G3BP1: variants seen among roughly 807,000 people sequenced by gnomAD.
The protein encoded by G3BP1 is G3BP stress granule assembly factor 1.
G3BP1 carries 35 observed loss-of-function variants against 58.6 expected under a neutral mutation model. The observed-to-expected ratio is 0.60, with a 90% CI of 0.46 to 0.79. G3BP1 has a LOEUF of 0.79. G3BP1 is among the 30% of genes least tolerant of loss of function. The pLI is 0.00. For missense variants in G3BP1, 523 were observed against 580.8 expected (o/e 0.90, Z 1.02); for synonymous variants, 191 against 195.4 (o/e 0.98, Z 0.19).
At chr5:151,785,637 T>C (rs561162229) in intron 1 of G3BP1, among the ~76,000 whole-genome samples, 1 of 152,238 alleles carries the variant, frequency 6.6e-6, no homozygotes, top group Non-Finnish European at 1.5e-5. Context: ...GGACTTCTTA[T>C]GGGACAGGTG....
rs906375114 is a variant in G3BP1 at position 151,808,376 on chromosome 5, A to G, written c.*4285A>G. ...TTTCATGTCTCAAATCAAGGCCTAA[A>G]TGAGTAAAAAGATGATTACAGATTA... On this transcript the variant is annotated 3_prime_UTR_variant, in exon 12 of 12. Coordinates refer to ENST00000356245, the MANE Select transcript of G3BP1 (RefSeq NM_005754.3). 6.6e-6 allele frequency: 1 copy of G among 152,192 alleles called. No individual in the cohort carries two copies. Among genetic ancestry groups the G allele is most frequent in the African/African-American group, 2.4e-5 (1 of 41,436 alleles). 9.4% of individuals were successfully genotyped at this position (152,192 alleles called of 1,614,324 possible).
chr5:151,773,271 T>A (rs1762307294), intron 1 of G3BP1, among the ~76,000 whole-genome samples: 1 of 152,186 alleles, frequency 6.6e-6, no homozygotes, highest in East Asian at 1.9e-4. Flanking sequence ...AAGATCTCAC[T>A]AGCATCTGTG....
chr5:151,772,838 G>A (rs1009488378), intron 1 of G3BP1, among the ~76,000 whole-genome samples: 1 of 152,216 alleles, frequency 6.6e-6, no homozygotes, highest in African/African-American at 2.4e-5. Flanking sequence ...CTTGTCCCTC[G>A]GGGCAGCATC....
intron 11 of G3BP1, 77 bp from the exon 12 acceptor site, chr5:151,803,808 A>T: frequency 9.9e-7 from 1 of 1,008,988 alleles, no homozygotes; most frequent in Non-Finnish European, 1.5e-6. Context: ...CTGGTTCATT[A>T]TTACAGCTTT....
At position 151,795,490 on chromosome 5, in the gene G3BP1, G is replaced by A; in HGVS notation, c.454G>A (p.Glu152Lys). 1 of 1,567,230 alleles carries A rather than the reference G, an allele frequency of 6.4e-7. No individual in the cohort carries two copies. Among genetic ancestry groups the A allele is most frequent in the Non-Finnish European group, 8.8e-7 (1 of 1,138,994 alleles). Residue 152 changes from glutamate (E) to lysine (K), a missense_variant, in exon 6 of 12, where the codon GAA (glutamate) becomes AAA (lysine). This residue lies in a region of G3BP1 where 398 missense variants were observed against 399.1 expected (regional missense o/e 1.00). Coordinates refer to ENST00000356245, the MANE Select transcript of G3BP1 (RefSeq NM_005754.3). ...VTEPQEESEE[E>K]VEEPEERQQT... ...TTTTTCTCACTTAGAGTCTGAAGAA[G>A]AAGTAGAGGAACCTGAAGAAAGACA... is the stretch of plus-strand genomic sequence containing the variant.
chr5:151,793,197 C>T lies in G3BP1; in HGVS notation c.352-962C>T, dbSNP rs150383161. Among the ~76,000 whole-genome samples the T allele has an allele frequency of 7.8e-4, 119 of 152,270 alleles. 1 individual carries two copies. In the East Asian group the frequency reaches 0.02, roughly 25 times the overall value. ...AGTCTGGGCTTACTGCACCCTCCAC[C>T]TCCCGGGTTCAAGCAATCCTCCCGC... is the stretch of plus-strand genomic sequence containing the variant. On this transcript the variant is annotated intron_variant, in intron 4 of 11. Transcript: ENST00000356245.
At chr5:151,784,007 C>T (rs559356901) in intron 1 of G3BP1, among the ~76,000 whole-genome samples, 5 of 152,284 alleles carry the variant, frequency 3.3e-5, no homozygotes, top group South Asian at 2.1e-4. Context: ...GTGATCCGCT[C>T]GCCTCGGCCT....
chr5:151,801,111 T>C (rs1205093236), intron 11 of G3BP1, among the ~76,000 whole-genome samples: 1 of 152,174 alleles, frequency 6.6e-6, no homozygotes, highest in Non-Finnish European at 1.5e-5. Flanking sequence ...AAATGAATAG[T>C]TATCAGTGCA....
intron 2 of G3BP1, among the ~76,000 whole-genome samples, chr5:151,789,561 T>C (rs1310943922): frequency 6.6e-6 from 1 of 152,148 alleles, no homozygotes; most frequent in Non-Finnish European, 1.5e-5. Context: ...GCAGAAATAG[T>C]TAAAAAGTAC....
chr5:151,809,711 G>A lies in G3BP1; in HGVS notation c.*5620G>A, dbSNP rs1762988692. On this transcript the variant is annotated 3_prime_UTR_variant, in exon 12 of 12. Transcript: ENST00000356245. Reference sequence around the variant, plus strand: ...CCAAATCTGCTTTTAGAAGTAATATGGTGATCATCAGTTTAGATTCACTGT... The same window carrying A: ...CCAAATCTGCTTTTAGAAGTAATATAGTGATCATCAGTTTAGATTCACTGT... The A allele has an allele frequency of 6.6e-6, 1 of 152,092 alleles. No individual in the cohort carries two copies. Among genetic ancestry groups the A allele is most frequent in the Non-Finnish European group, 1.5e-5 (1 of 68,012 alleles). 9.4% of individuals were successfully genotyped at this position (152,092 alleles called of 1,614,324 possible). A position where few individuals can be genotyped will look rare whatever the true frequency, so the allele number is the denominator to read the frequency against.
chr5:151,800,934 AT>A, intron 11 of G3BP1, 65 bp downstream of exon 11: 1 of 763,168 alleles, frequency 1.3e-6, no homozygotes, highest in Non-Finnish European at 2.3e-6. Context: ...TCTTTAGAAT[AT>A]ATCTTTACAG....
In G3BP1 at chr5:151,799,890, C is replaced by G; in HGVS notation, c.845C>G (p.Pro282Arg). 2 of 1,592,114 alleles carry G rather than the reference C, an allele frequency of 1.3e-6. No homozygotes were observed. The highest frequency in any genetic ancestry group is 1.7e-6 in the Non-Finnish European group (2 of 1,162,828). Residue 282 changes from proline to arginine, a missense_variant and splice_region_variant, in exon 9 of 12, where the codon CCC (proline) becomes CGC (arginine). Coordinates refer to ENST00000356245, the MANE Select transcript of G3BP1 (RefSeq NM_005754.3). ...PHVVKVPASQPRPESKPESQI... is the reference protein window; with the variant it reads ...PHVVKVPASQRRPESKPESQI... ...AAAAGTTAACTTAAAATTTTTCAGC[C>G]CCGTCCAGAGTCTAAGCCTGAATCT...
chr5:151,774,515 AT>A (rs1449405890), intron 1 of G3BP1, among the ~76,000 whole-genome samples: 1 of 151,618 alleles, frequency 6.6e-6, no homozygotes, highest in East Asian at 1.9e-4. Flanking sequence ...AGCCAATTTT[AT>A]ATTTTTTTTC....
At position 151,811,103 on chromosome 5, in the gene G3BP1, C is replaced by T. The variant is rs960217277; in HGVS notation, c.*7012C>T. 1 of 152,208 alleles carries T rather than the reference C, an allele frequency of 6.6e-6. No homozygotes were observed. The highest frequency in any genetic ancestry group is 2.1e-4 in the South Asian group (1 of 4,836). 9.4% of individuals were successfully genotyped at this position (152,208 alleles called of 1,614,324 possible). ...TTCAGCTAAGTCCTGTCAGTTCTACCTCAAGTCTTTCCCGTCTTTCTTCCT... is the reference window on the plus strand; with the variant it reads ...TTCAGCTAAGTCCTGTCAGTTCTACTTCAAGTCTTTCCCGTCTTTCTTCCT... On this transcript the variant is annotated 3_prime_UTR_variant, in exon 12 of 12. Coordinates refer to ENST00000356245, the MANE Select transcript of G3BP1 (RefSeq NM_005754.3).
chr5:151,802,843 G>T (rs1268467435), intron 11 of G3BP1, among the ~76,000 whole-genome samples: 1 of 152,244 alleles, frequency 6.6e-6, no homozygotes, highest in Non-Finnish European at 1.5e-5. Context: ...TGAGGCAGGA[G>T]AATGGCGTGA....
At chr5:151,790,241 A>G (rs1323622154) in intron 2 of G3BP1, 82 bp from the exon 3 acceptor site, 1 of 720,448 alleles carries the variant, frequency 1.4e-6, no homozygotes, top group African/African-American at 1.9e-5. Context: ...AAAAAAAAAA[A>G]AAAAAGTTTG....
At chr5:151,794,333 A>G in intron 5 of G3BP1, 84 bp downstream of exon 5, 2 of 751,482 alleles carry the variant, frequency 2.7e-6, no homozygotes, top group South Asian at 1.5e-5. Context: ...GGGTTTCTTT[A>G]CTGTTTTCAT....
rs1763014500 is a variant in G3BP1, at chr5:151,811,218, CAT to C, written c.*7129_*7130del. 6.6e-6 allele frequency: 1 copy of C among 152,218 alleles called. No homozygotes were observed. The highest frequency in any genetic ancestry group is 2.4e-5 in the African/African-American group (1 of 41,458). 9.4% of individuals were successfully genotyped at this position (152,218 alleles called of 1,614,324 possible). ...CAATGTTAGATTCATCTTACTGAAACATAGTTCTGACCATGTATTCCATGTAT... is the reference window on the plus strand; with the variant it reads ...CAATGTTAGATTCATCTTACTGAAACAGTTCTGACCATGTATTCCATGTAT... On this transcript the variant is annotated 3_prime_UTR_variant, in exon 12 of 12. Transcript: ENST00000356245.
chr5:151,776,627 G>A (rs1344381768), intron 1 of G3BP1, among the ~76,000 whole-genome samples: 2 of 151,870 alleles, frequency 1.3e-5, no homozygotes, highest in East Asian at 1.9e-4. Context: ...GAAGATTTGT[G>A]TATTCTTCAT....
Sources: gnomAD v4.1 joint callset for allele counts (sites outside exome capture counted in the v4.1 genomes callset) on GRCh38, gnomAD v4.1.1 for gene constraint, gnomAD v4.1.1 regional missense constraint, MANE v1.5 for transcripts, NCBI Gene and HGNC (gene_info 2026-07-23, HGNC 2026-07-21) for gene names.